The following ZNF570 variants were observed in gnomAD, a reference collection of about 807,000 sequenced individuals.
ZNF570 encodes the protein zinc finger protein 570.
Under a neutral mutation model 14.2 loss-of-function variants are expected in ZNF570, and 8 were observed. The observed-to-expected ratio is 0.56, with a 90% CI of 0.33 to 1.02. The LOEUF (loss-of-function observed/expected upper bound fraction) is 1.02. Among genes scored for constraint, ZNF570 ranks in the 50% least tolerant of loss-of-function variants. ZNF570 has a pLI of 0.03. For missense variants in ZNF570, 559 were observed against 624.9 expected (o/e 0.89, Z 1.12); for synonymous variants, 202 against 207.6 (o/e 0.97, Z 0.23).
rs2042180022 is a variant in ZNF570, at chr19:37,488,587, C to T, written c.*3354C>T. ...CTGGCTGTGAGTATATGAGTCAGTT[C>T]TTACTCTCTGTATCTTTCTGTATAA... On this transcript the variant is annotated 3_prime_UTR_variant, in exon 5 of 5. Coordinates refer to ENST00000330173, the MANE Select transcript of ZNF570 (RefSeq NM_144694.5). 6.6e-6 allele frequency: 1 copy of T among 151,914 alleles called. No individual in the cohort carries two copies. The highest frequency in any genetic ancestry group is 1.5e-5 in the Non-Finnish European group (1 of 67,984). The allele number at this position is 151,914 out of a possible 1,614,324, so 9.4% of individuals were successfully genotyped here. A position where few individuals can be genotyped will look rare whatever the true frequency, so the allele number is the denominator to read the frequency against.
chr19:37,484,174 C>T lies in ZNF570; in HGVS notation c.552C>T (p.Pro184=). The T allele has an allele frequency of 1.2e-6, 2 of 1,613,600 alleles. No homozygotes were observed. The highest frequency in any genetic ancestry group is 1.7e-6 in the Non-Finnish European group (2 of 1,179,918). Residue 184 remains proline (P), a synonymous_variant, in exon 5 of 5, where the codon CCC becomes CCT. Transcript: ENST00000330173. Reference sequence around the variant, plus strand: ...TGCTTTGTACACAAAAGATAATCCCCAAAGAGGAGAAAGTACATAAACATG... The same window carrying T: ...TGCTTTGTACACAAAAGATAATCCCTAAAGAGGAGAAAGTACATAAACATG... ...NPLLCTQKII[P]KEEKVHKHDT... is the part of the protein sequence containing the mutation.
intron 4 of ZNF570, among the ~76,000 whole-genome samples, chr19:37,480,796 C>G (rs893748359): frequency 6.6e-6 from 1 of 151,588 alleles, no homozygotes; most frequent in Non-Finnish European, 1.5e-5. Flanking sequence ...CTACAAAATG[C>G]GAAAATTAGC....
At chr19:37,481,644 G>T (rs2042089461) in intron 4 of ZNF570, among the ~76,000 whole-genome samples, 1 of 152,054 alleles carries the variant, frequency 6.6e-6, no homozygotes, top group African/African-American at 2.4e-5. Flanking sequence ...CTGTAGTTGG[G>T]ATTTATTGTG....
upstream of ZNF570, chr19:37,467,990 G>A (rs1354903592): frequency 2.1e-5 from 32 of 1,498,074 alleles, no homozygotes; most frequent in Non-Finnish European, 2.6e-5. Flanking sequence ...AGTGTGGCCA[G>A]ACCGCCTGAC....
rs2042177544 is a variant in ZNF570 at position 37,488,328 on chromosome 19, C to T, written c.*3095C>T. 2 of 152,136 alleles carry T rather than the reference C, an allele frequency of 1.3e-5. No individual in the cohort carries two copies. The highest frequency in any genetic ancestry group is 2.4e-5 in the African/African-American group (1 of 41,424). The allele number at this position is 152,136 out of a possible 1,614,324, so 9.4% of individuals were successfully genotyped here. On this transcript the variant is annotated 3_prime_UTR_variant, in exon 5 of 5. Transcript: ENST00000330173. ...GACTATTTTATATAATACAGTATAA[C>T]GTACAATTTCAAAACATGCAAATTA... is the stretch of plus-strand genomic sequence containing the variant.
In ZNF570 at chr19:37,469,374, A is replaced by T; in HGVS notation, c.-235A>T. 1 of 1,434,288 alleles carries T rather than the reference A, an allele frequency of 7.0e-7. No individual in the cohort carries two copies. Among genetic ancestry groups the T allele is most frequent in the Admixed American group, 2.5e-5 (1 of 39,666 alleles). The allele number at this position is 1,434,288 out of a possible 1,614,324, so 88.8% of individuals were successfully genotyped here. Reference sequence around the variant, plus strand: ...CTGAGGCGCTTCTTTCCGGGCCCGTAAGGGCTGGGTTCCATCCAACTAAGG... The same window carrying T: ...CTGAGGCGCTTCTTTCCGGGCCCGTTAGGGCTGGGTTCCATCCAACTAAGG... On this transcript the variant is annotated 5_prime_UTR_variant, in exon 1 of 5. Transcript: ENST00000330173.
intron 1 of ZNF570, 93 bp downstream of exon 1, chr19:37,469,650 G>C (rs916728885): frequency 2.3e-6 from 3 of 1,305,820 alleles, no homozygotes; most frequent in Non-Finnish European, 3.2e-6. Flanking sequence ...CGTGGAATGT[G>C]AGGCTGTGAG....
In ZNF570 at chr19:37,485,246, A is replaced by C; in HGVS notation, c.*13A>C. On this transcript the variant is annotated 3_prime_UTR_variant, in exon 5 of 5. Transcript: ENST00000330173. Reference sequence around the variant, plus strand: ...CCAAGTCCTATAGATCCTGAGTCCTAAATGTTTCTAGAATTTATACTGTTT... The same window carrying C: ...CCAAGTCCTATAGATCCTGAGTCCTCAATGTTTCTAGAATTTATACTGTTT... 6.6e-7 allele frequency: 1 copy of C among 1,521,922 alleles called. No individual in the cohort carries two copies. The highest frequency in any genetic ancestry group is 1.3e-5 in the South Asian group (1 of 74,448). 94.3% of individuals were successfully genotyped at this position (1,521,922 alleles called of 1,614,324 possible).
rs1268714815 is a variant in ZNF570, at chr19:37,488,048, G to T, written c.*2815G>T. Reference sequence around the variant, plus strand: ...AAGTAGTTGTGTTTAGCATAATTTGGCAATGTCTAGTAAAGTTGAAGATGT... The same window carrying T: ...AAGTAGTTGTGTTTAGCATAATTTGTCAATGTCTAGTAAAGTTGAAGATGT... On this transcript the variant is annotated 3_prime_UTR_variant, in exon 5 of 5. Transcript: ENST00000330173. 1 of 152,160 alleles carries T rather than the reference G, an allele frequency of 6.6e-6. No individual in the cohort carries two copies. The highest frequency in any genetic ancestry group is 1.5e-5 in the Non-Finnish European group (1 of 68,032). The allele number at this position is 152,160 out of a possible 1,614,324, so 9.4% of individuals were successfully genotyped here.
upstream of ZNF570, chr19:37,467,913 T>C: frequency 1.3e-6 from 2 of 1,536,144 alleles, no homozygotes; most frequent in Non-Finnish European, 1.7e-6. Flanking sequence ...TTGTTCTTTC[T>C]GGACTTCTCG....
intron 2 of ZNF570, 122 bp from the exon 3 acceptor site, chr19:37,475,759 A>G (rs1236810): frequency 0.14 from 132,772 of 981,844 alleles, 10,020 homozygotes; most frequent in Non-Finnish European, 0.15. Flanking sequence ...CCCTGAGTAC[A>G]AATATGATAA....
At position 37,484,776 on chromosome 19, in the gene ZNF570, C is replaced by T. The variant is rs1489056260; in HGVS notation, c.1154C>T (p.Pro385Leu). ...VHQRIHTGER[P>L]YECKECGKAF... ...CAGAGAATACATACTGGAGAGAGAC[C>T]CTATGAATGTAAGGAATGTGGGAAG... The change falls in exon 5 of 5, where the codon CCC (proline) becomes CTC (leucine). Residue 385 changes from proline to leucine, a missense_variant. Coordinates refer to ENST00000330173, the MANE Select transcript of ZNF570 (RefSeq NM_144694.5). The T allele has an allele frequency of 1.2e-6, 2 of 1,614,016 alleles. No homozygotes were observed. The highest frequency in any genetic ancestry group is 1.7e-5 in the Admixed American group (1 of 60,002).
At chr19:37,475,298 G>A (rs2042011594) in intron 2 of ZNF570, among the ~76,000 whole-genome samples, 1 of 152,134 alleles carries the variant, frequency 6.6e-6, no homozygotes, top group Non-Finnish European at 1.5e-5. Context: ...CCTGTAGGCA[G>A]AAGCAATATT....
At chr19:37,472,390 C>T (rs1338227491) in intron 2 of ZNF570, among the ~76,000 whole-genome samples, 5 of 78,012 alleles carry the variant, frequency 6.4e-5, no homozygotes, top group South Asian at 4.9e-4. Context: ...TATTTATAGG[C>T]GGGGGTGGGT....
At chr19:37,468,319 G>T (rs1244617859), upstream of ZNF570, among the ~76,000 whole-genome samples, 1 of 151,998 alleles carries the variant, frequency 6.6e-6, no homozygotes, top group Non-Finnish European at 1.5e-5. Context: ...GAACTCCTGA[G>T]CTCAAGCGAT....
At position 37,485,266 on chromosome 19, in the gene ZNF570, C is replaced by G. The variant is rs760426276; in HGVS notation, c.*33C>G. ...GTCCTAAATGTTTCTAGAATTTATA[C>G]TGTTTTTTATCTTTAATGTTGTCAC... On this transcript the variant is annotated 3_prime_UTR_variant, in exon 5 of 5. Coordinates refer to ENST00000330173, the MANE Select transcript of ZNF570 (RefSeq NM_144694.5). 6.6e-7 allele frequency: 1 copy of G among 1,508,144 alleles called. No homozygotes were observed. Among genetic ancestry groups the G allele is most frequent in the South Asian group, 1.4e-5 (1 of 72,488 alleles). 93.4% of individuals were successfully genotyped at this position (1,508,144 alleles called of 1,614,324 possible).
chr19:37,476,509 T>A, intron 4 of ZNF570, 75 bp downstream of exon 4: 1 of 1,452,260 alleles, frequency 6.9e-7, no homozygotes, highest in Non-Finnish European at 9.1e-7. Flanking sequence ...ACCTCTTCAC[T>A]CTTCAGGCTT....
intron 4 of ZNF570, among the ~76,000 whole-genome samples, chr19:37,476,756 C>CTG (rs1173726205): frequency 1.5e-5 from 2 of 134,446 alleles, no homozygotes; most frequent in Non-Finnish European, 3.0e-5. Context: ...GTCACCCAGG[C>CTG]TGGAGTGCAG....
At chr19:37,468,958 C>A, upstream of ZNF570, 1 of 757,618 alleles carries the variant, frequency 1.3e-6, no homozygotes. Flanking sequence ...AGACGCGCCA[C>A]TAGCGCGTTC....
Sources: allele counts gnomAD v4.1 joint callset (sites outside exome capture counted in the v4.1 genomes callset), GRCh38; gene constraint gnomAD v4.1.1; transcripts MANE v1.5; gene names NCBI Gene and HGNC (gene_info 2026-07-23, HGNC 2026-07-21).